Variants in PKIG observed in about 807,000 individuals in gnomAD.
The protein encoded by PKIG is cAMP-dependent protein kinase inhibitor gamma.
PKIG carries 1 observed loss-of-function variant against 6.8 expected under a neutral mutation model. That is an observed-to-expected ratio of 0.15 (90% CI 0.05 to 0.69). The LOEUF (loss-of-function observed/expected upper bound fraction) is 0.69, where lower values mean the gene tolerates loss of function less well. Among genes scored for constraint, PKIG ranks in the 30% least tolerant of loss-of-function variants. PKIG has a pLI of 0.82. For synonymous variants in PKIG, 39 were observed against 43.0 expected (o/e 0.91, Z 0.36); for missense variants, 77 against 104.0 (o/e 0.74, Z 1.13).
chr20:44,537,641 G>A (rs1023560829), intron 1 of PKIG, among the ~76,000 whole-genome samples: 9 of 150,682 alleles, frequency 6.0e-5, no homozygotes, highest in Admixed American at 2.0e-4. Flanking sequence ...GCAGTGGTGC[G>A]ATTTTGGCTC....
intron 2 of PKIG, among the ~76,000 whole-genome samples, chr20:44,597,304 C>G (rs1216816414): frequency 5.4e-5 from 8 of 148,318 alleles, no homozygotes; most frequent in Admixed American, 1.4e-4. Context: ...AAACTATCCT[C>G]TAGTGATTCT....
intron 1 of PKIG, among the ~76,000 whole-genome samples, chr20:44,553,555 G>A (rs927290767): frequency 6.6e-6 from 1 of 152,078 alleles, no homozygotes; most frequent in Non-Finnish European, 1.5e-5. Flanking sequence ...GGTGAAGGAA[G>A]CTTTATAGAT....
chr20:44,595,020 G>A (rs907636933), intron 2 of PKIG, among the ~76,000 whole-genome samples: 1 of 152,208 alleles, frequency 6.6e-6, no homozygotes, highest in Non-Finnish European at 1.5e-5. Flanking sequence ...TGACTAGGAT[G>A]CAGCAGTCGG....
At chr20:44,606,578 G>A (rs1040010374) in intron 2 of PKIG, among the ~76,000 whole-genome samples, 5 of 152,188 alleles carry the variant, frequency 3.3e-5, no homozygotes, top group Non-Finnish European at 5.9e-5. Context: ...GGAGGCTGAG[G>A]TGGCTGGATC....
intron 1 of PKIG, among the ~76,000 whole-genome samples, chr20:44,555,760 A>G (rs533549454): frequency 1.4e-4 from 21 of 152,300 alleles, no homozygotes; most frequent in Admixed American, 9.2e-4. Flanking sequence ...CATTTTTTTT[A>G]ACAAGAAAAT....
chr20:44,562,192 A>G (rs1327865079), intron 1 of PKIG, among the ~76,000 whole-genome samples: 4 of 152,182 alleles, frequency 2.6e-5, no homozygotes, highest in Admixed American at 2.0e-4. Flanking sequence ...AAGCAAATGT[A>G]TAGCAGGGAA....
At chr20:44,573,449 G>A (rs564347208) in intron 1 of PKIG, among the ~76,000 whole-genome samples, 3 of 152,356 alleles carry the variant, frequency 2.0e-5, no homozygotes, top group Non-Finnish European at 2.9e-5. Context: ...GGATTCTTGC[G>A]CAAGTTACGT....
chr20:44,571,356 G>A (rs1016468170), intron 1 of PKIG, among the ~76,000 whole-genome samples: 3 of 151,884 alleles, frequency 2.0e-5, no homozygotes, highest in African/African-American at 7.3e-5. Flanking sequence ...TAAAAAAAAA[G>A]TGGGGTTGTT....
chr20:44,564,339 A>G (rs577432438), intron 1 of PKIG: 1 of 152,328 alleles, frequency 6.6e-6, no homozygotes, highest in Non-Finnish European at 1.5e-5. Flanking sequence ...CCTCTACAGC[A>G]GGTGGGAAAA....
chr20:44,609,694 T>C (rs1484948018), intron 2 of PKIG, among the ~76,000 whole-genome samples: 2 of 152,094 alleles, frequency 1.3e-5, no homozygotes, highest in African/African-American at 4.8e-5. Context: ...CAGACCAAAT[T>C]CCTGTTCCCG....
chr20:44,588,458 A>G (rs1453462048), intron 1 of PKIG, among the ~76,000 whole-genome samples: 1 of 151,968 alleles, frequency 6.6e-6, no homozygotes, highest in Non-Finnish European at 1.5e-5. Flanking sequence ...CCTGGCCAAC[A>G]TGGTGAAACC....
chr20:44,562,856 C>T (rs925982303), intron 1 of PKIG, among the ~76,000 whole-genome samples: 2 of 152,040 alleles, frequency 1.3e-5, no homozygotes, highest in African/African-American at 2.4e-5. Context: ...GTCAGAAGTT[C>T]GAGACCAGTC....
At chr20:44,598,099 C>A (rs1366691145) in intron 2 of PKIG, among the ~76,000 whole-genome samples, 1 of 152,178 alleles carries the variant, frequency 6.6e-6, no homozygotes, top group East Asian at 1.9e-4. Context: ...GGGCCAGCAC[C>A]GCTGAAGGCT....
chr20:44,565,817 C>T (rs1289135203), intron 1 of PKIG, among the ~76,000 whole-genome samples: 1 of 152,158 alleles, frequency 6.6e-6, no homozygotes, highest in Admixed American at 6.5e-5. Flanking sequence ...GGCTGGAGTG[C>T]AGTGGCACGA....
At chr20:44,609,496 C>T (rs1177708752) in intron 2 of PKIG, among the ~76,000 whole-genome samples, 1 of 152,166 alleles carries the variant, frequency 6.6e-6, no homozygotes, top group African/African-American at 2.4e-5. Flanking sequence ...AGAGGACAGG[C>T]GGGCAGCAGG....
chr20:44,618,888 A>G lies in PKIG; in HGVS notation c.*524A>G, dbSNP rs1341267426. On this transcript the variant is annotated 3_prime_UTR_variant, in exon 4 of 4. Coordinates refer to ENST00000372886, the MANE Select transcript of PKIG (RefSeq NM_001281445.2). ...TTTAAGCCATTTTAGCTAAACTGTC[A>G]TTGTGCATCTCTGAGGTTCCCTCAT... The G allele has an allele frequency of 6.3e-6, 1 of 158,280 alleles. No individual in the cohort carries two copies. The highest frequency in any genetic ancestry group is 1.4e-5 in the Non-Finnish European group (1 of 71,138). 9.8% of individuals were successfully genotyped at this position (158,280 alleles called of 1,614,324 possible). A position where few individuals can be genotyped will look rare whatever the true frequency, so the allele number is the denominator to read the frequency against.
chr20:44,548,905 T>C (rs6031654), intron 1 of PKIG, among the ~76,000 whole-genome samples: 917 of 90,772 alleles, frequency 0.01, 6 homozygotes, highest in African/African-American at 0.047. Flanking sequence ...CACACACACA[T>C]ATATCTGTCT....
intron 1 of PKIG, among the ~76,000 whole-genome samples, chr20:44,576,816 A>G (rs2064902323): frequency 6.6e-6 from 1 of 152,172 alleles, no homozygotes; most frequent in African/African-American, 2.4e-5. Flanking sequence ...GTTTGAAAAA[A>G]GGCAGGGAGG....
intron 1 of PKIG, among the ~76,000 whole-genome samples, chr20:44,563,259 T>C (rs965871547): frequency 6.6e-6 from 1 of 152,112 alleles, no homozygotes; most frequent in Non-Finnish European, 1.5e-5. Flanking sequence ...CTCAGGAAAA[T>C]TTCTACATTT....
Sources: allele counts gnomAD v4.1 joint callset (sites outside exome capture counted in the v4.1 genomes callset), GRCh38; gene constraint gnomAD v4.1.1; transcripts MANE v1.5; gene names NCBI Gene and HGNC (gene_info 2026-07-23, HGNC 2026-07-21).